The following RCOR3 variants were observed in gnomAD, a reference collection of about 807,000 sequenced individuals.
RCOR3 encodes the protein REST corepressor 3.
A neutral mutation model predicts 64.1 loss-of-function variants in RCOR3; 13 were observed. That is an observed-to-expected ratio of 0.20 (90% confidence interval 0.13 to 0.32). RCOR3 has a LOEUF of 0.32. RCOR3 is among the 10% of genes least tolerant of loss of function. The probability of loss-of-function intolerance (pLI) is 1.00; values close to 1 mark genes in which losing one functional copy is unlikely to be tolerated. For synonymous variants in RCOR3, 215 were observed against 239.0 expected (o/e 0.90, Z 0.93); for missense variants, 489 against 701.2 (o/e 0.70, Z 3.42).
intron 10 of RCOR3, among the ~76,000 whole-genome samples, chr1:211,310,774 G>A (rs1351482386): frequency 6.6e-6 from 1 of 152,084 alleles, no homozygotes; most frequent in Non-Finnish European, 1.5e-5. Flanking sequence ...AGTGTTCTGA[G>A]GTTTATAATA....
rs761852260 is a variant in RCOR3 at position 211,271,988 on chromosome 1, G to C, written c.301+679G>C. On this transcript the variant is annotated intron_variant, in intron 3 of 11. Transcript: ENST00000419091. ...ATTCTAGCAGCTGTAAGATAAACTTGTCTTTTTAGAATATTTACTAACATC... is the reference window on the plus strand; with the variant it reads ...ATTCTAGCAGCTGTAAGATAAACTTCTCTTTTTAGAATATTTACTAACATC... 2 of 156,040 alleles carry C rather than the reference G, an allele frequency of 1.3e-5. 1 individual carries two copies. The highest frequency in any genetic ancestry group is 1.2e-4 in the Admixed American group (2 of 16,168). 9.7% of individuals were successfully genotyped at this position (156,040 alleles called of 1,614,324 possible). A position where few individuals can be genotyped will look rare whatever the true frequency, so the allele number is the denominator to read the frequency against.
chr1:211,265,170 T>C (rs1158610542), intron 2 of RCOR3, among the ~76,000 whole-genome samples: 1 of 149,926 alleles, frequency 6.7e-6, no homozygotes, highest in East Asian at 1.9e-4. Flanking sequence ...TATTTGTCAC[T>C]GAGTTTAAAT....
At chr1:211,272,744 C>CCTG (rs1558054631) in intron 3 of RCOR3, among the ~76,000 whole-genome samples, 1 of 147,392 alleles carries the variant, frequency 6.8e-6, no homozygotes, top group Non-Finnish European at 1.5e-5. Flanking sequence ...GCCTCAGCCT[C>CCTG]CCAAGTAGCT....
rs1268582168 is a variant in RCOR3 at position 211,284,516 on chromosome 1, TTATTTATTTATG to T, written c.721-4651_721-4640del. The stretch of plus-strand genomic sequence containing the variant: ...AGGTAGAGATCCTTTATTTATTTAT[TTATTTATTTATG>T]TATTTATTTAACAGTTGGGGGTCTT... On this transcript the variant is annotated intron_variant, in intron 7 of 11. Coordinates refer to ENST00000419091, the MANE Select transcript of RCOR3 (RefSeq NM_001136223.3). 1.4e-3 allele frequency among the ~76,000 whole-genome samples: 183 copies of T among 129,538 alleles called. 1 individual carries two copies. The highest frequency in any genetic ancestry group is 3.8e-3 in the African/African-American group (128 of 33,714). The allele number at this position is 129,538 out of a possible 152,430, so 85.0% of individuals were successfully genotyped here.
intron 9 of RCOR3, among the ~76,000 whole-genome samples, chr1:211,299,126 A>T (rs1355205980): frequency 6.6e-6 from 1 of 152,232 alleles, no homozygotes; most frequent in African/African-American, 2.4e-5. Flanking sequence ...ATTTTAGAAA[A>T]GTTATGACAT....
chr1:211,276,452 G>T, intron 5 of RCOR3, 34 bp downstream of exon 5: 1 of 1,565,440 alleles, frequency 6.4e-7, no homozygotes, highest in Non-Finnish European at 8.7e-7. Flanking sequence ...TGGTTCATAT[G>T]TGAATGATAT....
chr1:211,262,924 A>G (rs1046559125), intron 2 of RCOR3, among the ~76,000 whole-genome samples: 137 of 149,928 alleles, frequency 9.1e-4, no homozygotes, highest in African/African-American at 3.3e-3. Flanking sequence ...CACAATGTGC[A>G]GGTTAGTTAC....
intron 9 of RCOR3, 71 bp from the exon 10 acceptor site, chr1:211,304,012 T>TA: frequency 9.6e-7 from 1 of 1,046,114 alleles, no homozygotes; most frequent in Non-Finnish European, 1.4e-6. Context: ...GATGAAAATT[T>TA]AAAAAAATAA....
rs982475511 is a variant in RCOR3 at position 211,289,264 on chromosome 1, G to C, written c.807G>C (p.Gln269His). Residue 269 changes from glutamine to histidine, a missense_variant, in exon 8 of 12, where the codon CAG (glutamine) becomes CAC (histidine). By Grantham distance (24) the Gln-to-His change is conservative (BLOSUM62 0). Coordinates refer to ENST00000419091, the MANE Select transcript of RCOR3 (RefSeq NM_001136223.3). Reference protein sequence around the residue: ...YQSLQHRHHSQRSKCRPPKGM... With the variant: ...YQSLQHRHHSHRSKCRPPKGM... ...GTTTACAACATCGCCATCATTCTCA[G>C]CGTTCTAAGTGCCGTCCACCTAAGG... 6.2e-7 allele frequency: 1 copy of C among 1,613,982 alleles called. No homozygotes were observed. The highest frequency in any genetic ancestry group is 1.3e-5 in the African/African-American group (1 of 74,884).
chr1:211,315,121 T>A lies in RCOR3; in HGVS notation c.*1353T>A, dbSNP rs2102691178. On this transcript the variant is annotated 3_prime_UTR_variant, in exon 12 of 12. Coordinates refer to ENST00000419091, the MANE Select transcript of RCOR3 (RefSeq NM_001136223.3). ...GTAATTAATATTTTTGATACAGTGA[T>A]TTCATATTGGAATCATTATTTGTGC... is the stretch of plus-strand genomic sequence containing the variant. 1 of 152,346 alleles carries A rather than the reference T, an allele frequency of 6.6e-6. No homozygotes were observed. Among genetic ancestry groups the A allele is most frequent in the East Asian group, 1.9e-4 (1 of 5,194 alleles). The allele number at this position is 152,346 out of a possible 1,614,324, so 9.4% of individuals were successfully genotyped here.
At chr1:211,306,224 TA>T (rs1700838581) in intron 10 of RCOR3, among the ~76,000 whole-genome samples, 1 of 152,184 alleles carries the variant, frequency 6.6e-6, no homozygotes, top group Non-Finnish European at 1.5e-5. Context: ...GTGTGTCTTA[TA>T]AATAGTATAA....
intron 2 of RCOR3, among the ~76,000 whole-genome samples, chr1:211,260,538 T>A (rs932854181): frequency 4.0e-4 from 61 of 152,192 alleles, no homozygotes; most frequent in Middle Eastern, 3.2e-3. Context: ...AAATGTCAAT[T>A]GCCACCTCGC....
At chr1:211,267,126 G>T (rs909685009) in intron 2 of RCOR3, among the ~76,000 whole-genome samples, 1 of 152,166 alleles carries the variant, frequency 6.6e-6, no homozygotes, top group Non-Finnish European at 1.5e-5. Context: ...CATATGCCAC[G>T]TACTTACATT....
In RCOR3 at chr1:211,276,333, C is replaced by T. The variant is rs770512731; in HGVS notation, c.431C>T (p.Pro144Leu). The T allele has an allele frequency of 3.1e-6, 5 of 1,613,786 alleles. No individual in the cohort carries two copies. Among genetic ancestry groups the T allele is most frequent in the South Asian group, 1.1e-5 (1 of 91,080 alleles). The change falls in exon 5 of 12, where the codon CCG becomes CTG. Residue 144 changes from proline (P) to leucine (L), a missense_variant. Pro to Leu is a moderately conservative substitution (Grantham distance 98). This residue lies in a region of RCOR3 where 402 missense variants were observed against 617.0 expected (regional missense o/e 0.65). Coordinates refer to ENST00000419091, the MANE Select transcript of RCOR3 (RefSeq NM_001136223.3). The part of the protein sequence containing the change: ...LADLPNFTPF[P>L]DEWTVEDKVL... ...GATCTCCCTAATTTCACTCCCTTTC[C>T]GGATGAGTGGACAGTGGAAGATAAA... is the stretch of plus-strand genomic sequence containing the variant.
At chr1:211,278,454 T>C (rs1263683059) in intron 6 of RCOR3, among the ~76,000 whole-genome samples, 1 of 152,202 alleles carries the variant, frequency 6.6e-6, no homozygotes, top group African/African-American at 2.4e-5. Context: ...TGCTTCCTTT[T>C]AGTATTGATA....
chr1:211,261,570 C>G (rs1483360684), intron 2 of RCOR3, among the ~76,000 whole-genome samples: 1 of 152,160 alleles, frequency 6.6e-6, no homozygotes, highest in Non-Finnish European at 1.5e-5. Flanking sequence ...CACTTTCACA[C>G]CACTCTGCTC....
chr1:211,311,693 TGA>T (rs1291231894), intron 10 of RCOR3, among the ~76,000 whole-genome samples: 1 of 152,168 alleles, frequency 6.6e-6, no homozygotes, highest in Non-Finnish European at 1.5e-5. Flanking sequence ...CTTTCATTAG[TGA>T]GTTACTGTTT....
At chr1:211,298,846 A>C (rs1438340351) in intron 9 of RCOR3, among the ~76,000 whole-genome samples, 1 of 152,116 alleles carries the variant, frequency 6.6e-6, no homozygotes, top group African/African-American at 2.4e-5. Context: ...CTCTACTAAA[A>C]ATACAAAAAA....
intron 2 of RCOR3, among the ~76,000 whole-genome samples, chr1:211,270,852 G>A (rs1423961009): frequency 6.6e-6 from 1 of 150,778 alleles, no homozygotes; most frequent in Non-Finnish European, 1.5e-5. Context: ...CAGAAATAAA[G>A]CTTACTTTTT....
Sources: gnomAD v4.1 joint callset for allele counts (sites outside exome capture counted in the v4.1 genomes callset) on GRCh38, gnomAD v4.1.1 for gene constraint, gnomAD v4.1.1 regional missense constraint, MANE v1.5 for transcripts, NCBI Gene and HGNC (gene_info 2026-07-23, HGNC 2026-07-21) for gene names.